B4GALT1: variants seen among roughly 807,000 people sequenced by gnomAD.
The protein encoded by B4GALT1 is N-acetyllactosamine synthase.
A neutral mutation model predicts 34.9 loss-of-function variants in B4GALT1; 16 were observed. The ratio of observed to expected loss-of-function variants is 0.46; its 90% CI spans 0.31 to 0.70. The LOEUF is 0.70. Ranked by LOEUF, B4GALT1 falls within the 30% of genes least tolerant of loss-of-function variation. The probability of loss-of-function intolerance (pLI) is 0.05; values close to 1 mark genes in which losing one functional copy is unlikely to be tolerated. For missense variants in B4GALT1, 445 were observed against 530.5 expected, an observed-to-expected ratio of 0.84 and a Z score of 1.58; for synonymous variants, 221 against 218.1, an observed-to-expected ratio of 1.01 and a Z score of -0.12.
the B4GALT1 span, among the ~76,000 whole-genome samples, chr9:33,184,447 A>G: frequency 2.4e-3 from 361 of 152,292 alleles, 1 homozygote; most frequent in African/African-American, 8.2e-3. Context: ...ACTGCATTTG[A>G]TAAGCTCTGT....
Position 33,135,409 on chromosome 9 carries a change from A to G in B4GALT1, c.428T>C (p.Ile143Thr). ...ESPLLVGPMLIEFNMPVDLEL... is the reference protein window; with the variant it reads ...ESPLLVGPMLTEFNMPVDLEL... ...CAGGTCCACAGGCATGTTAAACTCAATCAGCATGGGGCCCACTAGAGAGGT... is the reference window on the plus strand; with the variant it reads ...CAGGTCCACAGGCATGTTAAACTCAGTCAGCATGGGGCCCACTAGAGAGGT... The change falls in exon 2 of 6, where the codon ATT (isoleucine) becomes ACT (threonine). Residue 143 changes from isoleucine (I) to threonine (T), a missense_variant. Ile to Thr is a moderately conservative substitution (Grantham distance 89). Coordinates refer to ENST00000379731, the MANE Select transcript of B4GALT1 (RefSeq NM_001497.4). The G allele has an allele frequency of 1.2e-6, 2 of 1,614,118 alleles. No homozygotes were observed. The highest frequency in any genetic ancestry group is 8.5e-7 in the Non-Finnish European group (1 of 1,180,006).
chr9:33,170,385 T>C (rs572599258), upstream of B4GALT1, among the ~76,000 whole-genome samples: 18 of 151,920 alleles, frequency 1.2e-4, no homozygotes, highest in African/African-American at 4.3e-4. Context: ...CTCCAAGGAG[T>C]TGGTAAAGGT....
chr9:33,120,386 G>A (rs766005536), intron 3 of B4GALT1, 33 bp downstream of exon 3: 1 of 1,609,640 alleles, frequency 6.2e-7, no homozygotes, highest in Non-Finnish European at 8.5e-7. Flanking sequence ...AGAGAGACAT[G>A]TTTACCACAG....
At chr9:33,176,815 C>A in the B4GALT1 span, among the ~76,000 whole-genome samples, 24 of 144,500 alleles carry the variant, frequency 1.7e-4, no homozygotes, top group South Asian at 5.2e-3. Context: ...TATAACAAAC[C>A]TGTACACGTA....
At chr9:33,124,164 G>A (rs1194278535) in intron 2 of B4GALT1, among the ~76,000 whole-genome samples, 1 of 152,142 alleles carries the variant, frequency 6.6e-6, no homozygotes, top group African/African-American at 2.4e-5. Context: ...CTGTAACACT[G>A]GGGCACACAC....
rs753746934 is a variant in B4GALT1, at chr9:33,113,468, C to T, written c.1183G>A (p.Gly395Arg). ...GTACCAAAACGCTAGCTCGGTGTCC[C>T]GATGTCCACTGTGATTTGGGTATAC... ...PLYTQITVDI[G>R]TPS Residue 395 changes from glycine to arginine, a missense_variant, in exon 6 of 6, where the codon GGG becomes AGG. Physicochemically the swap from Gly to Arg is moderately radical, Grantham distance 125 (BLOSUM62 -2). Transcript: ENST00000379731. 14 of 1,614,042 alleles carry T rather than the reference C, an allele frequency of 8.7e-6. No homozygotes were observed. The African/African-American group carries it at 9.3e-5, about 11-fold the overall frequency.
At chr9:33,135,676 G>A (rs550168878) in intron 1 of B4GALT1, among the ~76,000 whole-genome samples, 6 of 152,294 alleles carry the variant, frequency 3.9e-5, no homozygotes, top group African/African-American at 1.2e-4. Context: ...TGAAGCACTC[G>A]CCTGCCCAGG....
At chr9:33,115,323 A>G (rs1053149289) in intron 4 of B4GALT1, among the ~76,000 whole-genome samples, 2 of 152,198 alleles carry the variant, frequency 1.3e-5, no homozygotes, top group Non-Finnish European at 2.9e-5. Context: ...TGGCTCCTGG[A>G]GGGAGAAGGT....
In B4GALT1 at chr9:33,120,479, G is replaced by C. The variant is rs138922397; in HGVS notation, c.776C>G (p.Ala259Gly). ...VDLIPMNDHNAYRCFSQPRHI... is the reference protein window; with the variant it reads ...VDLIPMNDHNGYRCFSQPRHI... The stretch of plus-strand genomic sequence containing the variant: ...CCGTGGCTGTGAAAAACACCTGTAC[G>C]CATTATGGTCATTCATTGGAATGAG... Residue 259 changes from alanine to glycine, a missense_variant, in exon 3 of 6, where the codon GCG becomes GGG. By Grantham distance (60) the Ala-to-Gly change is moderately conservative. Coordinates refer to ENST00000379731, the MANE Select transcript of B4GALT1 (RefSeq NM_001497.4). 74 of 1,614,070 alleles carry C rather than the reference G, an allele frequency of 4.6e-5. No individual in the cohort carries two copies. The African/African-American group carries it at 8.9e-4, about 19-fold the overall frequency.
intron 1 of B4GALT1, among the ~76,000 whole-genome samples, chr9:33,160,738 G>A (rs950792062): frequency 3.9e-5 from 6 of 151,986 alleles, no homozygotes; most frequent in Admixed American, 3.9e-4. Flanking sequence ...TCCAGCCTGG[G>A]TGACAGAGCA....
chr9:33,153,166 G>A (rs1184317926), intron 1 of B4GALT1, among the ~76,000 whole-genome samples: 1 of 152,066 alleles, frequency 6.6e-6, no homozygotes, highest in Non-Finnish European at 1.5e-5. Flanking sequence ...AATATATAAA[G>A]GTTAGTAACA....
intron 2 of B4GALT1, among the ~76,000 whole-genome samples, chr9:33,105,465 C>T (rs948175647): frequency 7.9e-5 from 12 of 152,188 alleles, no homozygotes; most frequent in Non-Finnish European, 1.5e-4. Context: ...TAAATGGGAA[C>T]AGGTAGCAAC....
At chr9:33,132,790 G>A (rs34813509) in intron 2 of B4GALT1, among the ~76,000 whole-genome samples, 15,756 of 152,180 alleles carry the variant, frequency 0.1, 881 homozygotes, top group African/African-American at 0.13. Context: ...ATATCTAGAC[G>A]TAGCATCCCA....
intron 1 of B4GALT1, among the ~76,000 whole-genome samples, chr9:33,149,036 G>A (rs748628759): frequency 2.0e-5 from 3 of 152,026 alleles, no homozygotes; most frequent in Non-Finnish European, 4.4e-5. Flanking sequence ...GGGAAAAAGG[G>A]TAAGCTCTTC....
chr9:33,150,598 G>A (rs1249079486), intron 1 of B4GALT1, among the ~76,000 whole-genome samples: 1 of 152,154 alleles, frequency 6.6e-6, no homozygotes, highest in Non-Finnish European at 1.5e-5. Flanking sequence ...GGAGGAGAAT[G>A]TGACTACAAG....
At chr9:33,159,940 C>G (rs1298769644) in intron 1 of B4GALT1, among the ~76,000 whole-genome samples, 3 of 152,274 alleles carry the variant, frequency 2.0e-5, no homozygotes, top group African/African-American at 4.8e-5. Flanking sequence ...ATTCTGTTCA[C>G]AGCAGATTTC....
intron 2 of B4GALT1, among the ~76,000 whole-genome samples, chr9:33,125,819 G>C (rs374875188): frequency 6.6e-6 from 1 of 152,288 alleles, no homozygotes; most frequent in Non-Finnish European, 1.5e-5. Context: ...AACAGCTTCT[G>C]GAAGAACTGT....
At chr9:33,170,829 A>G (rs1217982985), upstream of B4GALT1, among the ~76,000 whole-genome samples, 1 of 152,238 alleles carries the variant, frequency 6.6e-6, no homozygotes, top group African/African-American at 2.4e-5. Flanking sequence ...CACTGTCTCC[A>G]GCTCTTTTCC....
upstream of B4GALT1, chr9:33,167,345 G>A (rs2118355626): frequency 3.8e-6 from 3 of 787,274 alleles, no homozygotes; most frequent in African/African-American, 3.6e-5. Flanking sequence ...GCGGCGAGAA[G>A]CCGCCCGAGG....
Sources: allele counts gnomAD v4.1 joint callset (sites outside exome capture counted in the v4.1 genomes callset), GRCh38; gene constraint gnomAD v4.1.1; transcripts MANE v1.5; gene names NCBI Gene and HGNC (gene_info 2026-07-23, HGNC 2026-07-21).